The following NEO1 variants were observed in gnomAD, a reference collection of about 807,000 sequenced individuals.
The protein encoded by NEO1 is neogenin.
NEO1 carries 63 observed loss-of-function variants against 159.7 expected under a neutral mutation model. The observed-to-expected ratio is 0.39, with a 90% CI of 0.32 to 0.49. NEO1 has a LOEUF of 0.49. NEO1 is among the 20% of genes least tolerant of loss of function. NEO1 has a pLI of 0.85. For missense variants in NEO1, 1,615 were observed against 1,831.0 expected, an observed-to-expected ratio of 0.88 and a Z score of 2.15; for synonymous variants, 633 against 662.0, an observed-to-expected ratio of 0.96 and a Z score of 0.67.
chr15:73,088,432 T>G (rs904465074), intron 1 of NEO1, among the ~76,000 whole-genome samples: 1 of 152,028 alleles, frequency 6.6e-6, no homozygotes, highest in Admixed American at 6.6e-5. Flanking sequence ...TCTTTTAGGT[T>G]GAGACCTGAA....
intron 7 of NEO1, among the ~76,000 whole-genome samples, chr15:73,200,173 C>CT (rs1031636357): frequency 4.6e-5 from 7 of 151,968 alleles, no homozygotes; most frequent in African/African-American, 1.5e-4. Flanking sequence ...CTAGTGCATT[C>CT]TTTTTTTTGA....
Position 73,302,600 on chromosome 15 carries a change from T to A in NEO1, c.4303-13T>A. The A allele has an allele frequency of 6.2e-6, 10 of 1,612,898 alleles. No homozygotes were observed. Among genetic ancestry groups the A allele is most frequent in the Non-Finnish European group, 8.5e-6 (10 of 1,179,246 alleles). The stretch of plus-strand genomic sequence containing the variant: ...CTGGATCCAGCCCAGTAACAGTGTT[T>A]TCTTTTCCATAGAGCTATGAACCAG... On this transcript the variant is annotated splice_polypyrimidine_tract_variant and intron_variant, in intron 28 of 28. Coordinates refer to ENST00000261908, the MANE Select transcript of NEO1 (RefSeq NM_002499.4).
At chr15:73,102,894 A>G (rs1276242466) in intron 1 of NEO1, among the ~76,000 whole-genome samples, 1 of 152,214 alleles carries the variant, frequency 6.6e-6, no homozygotes, top group Non-Finnish European at 1.5e-5. Context: ...CTGTGGACAC[A>G]TGATCTCCTT....
rs560684238 is a variant in NEO1, at chr15:73,275,388, G to A, written c.3193+664G>A. On this transcript the variant is annotated intron_variant, in intron 21 of 28. Transcript: ENST00000261908. ...ACTTAGGCCACGTACGGTGGCTCAG[G>A]CCTGTAATCCCAGCACTTTGGGAGG... is the stretch of plus-strand genomic sequence containing the variant. Among the ~76,000 whole-genome samples, 18 of 152,260 alleles carry A rather than the reference G, an allele frequency of 1.2e-4. No homozygotes were observed. The East Asian group carries it at 2.1e-3, about 18-fold the overall frequency.
chr15:73,197,836 A>G (rs1242134474), intron 7 of NEO1, among the ~76,000 whole-genome samples: 2 of 151,748 alleles, frequency 1.3e-5, no homozygotes, highest in Non-Finnish European at 2.9e-5. Context: ...ACCCACTACC[A>G]TGCCTGGCTA....
chr15:73,289,823 G>A (rs970969288), intron 25 of NEO1, among the ~76,000 whole-genome samples: 8 of 152,106 alleles, frequency 5.3e-5, no homozygotes, highest in African/African-American at 1.9e-4. Context: ...GGTGGTACAT[G>A]TCTATAATCC....
intron 5 of NEO1, among the ~76,000 whole-genome samples, chr15:73,169,168 T>C (rs2034787894): frequency 6.6e-6 from 1 of 152,178 alleles, no homozygotes; most frequent in African/African-American, 2.4e-5. Flanking sequence ...TTCAGCATTA[T>C]GTAACAGTGA....
Position 73,298,447 on chromosome 15 carries a change from C to G in NEO1, c.4001C>G (p.Ser1334Cys), listed in dbSNP as rs376585204. 9 of 1,614,118 alleles carry G rather than the reference C, an allele frequency of 5.6e-6. No individual in the cohort carries two copies. In the African/African-American group the frequency reaches 9.3e-5, roughly 17 times the overall value. The change falls in exon 27 of 29, where the codon TCT (serine) becomes TGT (cysteine). Residue 1334 changes from serine (S) to cysteine (C), a missense_variant. Ser to Cys is a moderately radical substitution (Grantham distance 112). Coordinates refer to ENST00000261908, the MANE Select transcript of NEO1 (RefSeq NM_002499.4). ...GACCCTGAAGGTGCTACCAGCTCCT[C>G]TTACTTGGCCAGCTCCCAAGAGGAA... The part of the protein sequence containing the change: ...HQDPEGATSS[S>C]YLASSQEEDS...
chr15:73,160,739 C>T (rs2034113557), intron 5 of NEO1, among the ~76,000 whole-genome samples: 1 of 152,132 alleles, frequency 6.6e-6, no homozygotes, highest in African/African-American at 2.4e-5. Flanking sequence ...CTTTCCATGT[C>T]CTCTCTGGGA....
intron 8 of NEO1, among the ~76,000 whole-genome samples, chr15:73,241,975 C>T (rs2039508635): frequency 1.3e-5 from 2 of 152,036 alleles, no homozygotes; most frequent in Non-Finnish European, 2.9e-5. Context: ...TATCAGAAGG[C>T]AGATTTTCGT....
rs537412343 is a variant in NEO1, at chr15:73,247,579, A to G, written c.1607-1481A>G. ...AAAGCAAACAACTGTTAGAGTAACC[A>G]TATTCAGATTTCTCTACTTTGATAG... On this transcript the variant is annotated intron_variant, in intron 9 of 28. Transcript: ENST00000261908. Among the ~76,000 whole-genome samples the G allele has an allele frequency of 1.1e-4, 16 of 152,344 alleles. No individual in the cohort carries two copies. The South Asian group carries it at 3.3e-3, about 32-fold the overall frequency.
chr15:73,086,515 G>A (rs1250148079), intron 1 of NEO1, among the ~76,000 whole-genome samples: 1 of 151,298 alleles, frequency 6.6e-6, no homozygotes, highest in Non-Finnish European at 1.5e-5. Flanking sequence ...AGGAAGAATG[G>A]GCATCTTAGC....
chr15:73,198,074 C>A (rs1054569823), intron 7 of NEO1, among the ~76,000 whole-genome samples: 1 of 152,116 alleles, frequency 6.6e-6, no homozygotes, highest in Non-Finnish European at 1.5e-5. Flanking sequence ...CAACTGTAGA[C>A]CACTTTATAC....
chr15:73,295,285 T>C (rs2042320853), intron 26 of NEO1, among the ~76,000 whole-genome samples: 1 of 151,724 alleles, frequency 6.6e-6, no homozygotes, highest in Admixed American at 6.6e-5. Context: ...TAGTCTCAAA[T>C]AGAACAGAGG....
chr15:73,237,384 G>C (rs1346758535), intron 8 of NEO1, among the ~76,000 whole-genome samples: 2 of 152,160 alleles, frequency 1.3e-5, no homozygotes, highest in African/African-American at 4.8e-5. Context: ...TTCCCAACCA[G>C]ATTATAAACT....
At chr15:73,213,095 T>C (rs1020627574) in intron 7 of NEO1, among the ~76,000 whole-genome samples, 25 of 152,196 alleles carry the variant, frequency 1.6e-4, no homozygotes, top group African/African-American at 5.8e-4. Flanking sequence ...TGTATTATTT[T>C]TATAACAAGC....
chr15:73,175,700 G>C (rs2035245110), intron 5 of NEO1, among the ~76,000 whole-genome samples: 1 of 152,168 alleles, frequency 6.6e-6, no homozygotes, highest in East Asian at 1.9e-4. Flanking sequence ...TGTCAAGGAT[G>C]TCATATAGGA....
At chr15:73,096,688 C>G (rs1470332040) in intron 1 of NEO1, among the ~76,000 whole-genome samples, 2 of 152,164 alleles carry the variant, frequency 1.3e-5, no homozygotes, top group Non-Finnish European at 2.9e-5. Context: ...CCTGGTCATT[C>G]TTTTCATCAA....
In NEO1 at chr15:73,298,439, C is replaced by A. The variant is rs147272417; in HGVS notation, c.3993C>A (p.Thr1331=). The part of the protein sequence containing the change: ...CTDHQDPEGA[T]SSSYLASSQE... ...ATCACCAGGACCCTGAAGGTGCTAC[C>A]AGCTCCTCTTACTTGGCCAGCTCCC... is the stretch of plus-strand genomic sequence containing the variant. Residue 1331 remains threonine, a synonymous_variant, in exon 27 of 29, where the codon ACC becomes ACA. Coordinates refer to ENST00000261908, the MANE Select transcript of NEO1 (RefSeq NM_002499.4). The A allele has an allele frequency of 1.5e-4, 239 of 1,614,166 alleles. 1 individual carries two copies. The African/African-American group carries it at 3.0e-3, about 20-fold the overall frequency.
Sources: allele counts gnomAD v4.1 joint callset (sites outside exome capture counted in the v4.1 genomes callset), GRCh38; gene constraint gnomAD v4.1.1; transcripts MANE v1.5; gene names NCBI Gene and HGNC (gene_info 2026-07-23, HGNC 2026-07-21).